Variants in SYT14 observed in about 807,000 individuals in gnomAD.
SYT14 encodes synaptotagmin-14.
In SYT14, 32 loss-of-function variants were observed where a neutral mutation model predicts 74.2. The observed-to-expected ratio is 0.43, with a 90% confidence interval of 0.33 to 0.58. The LOEUF (loss-of-function observed/expected upper bound fraction) is 0.58, where lower values mean the gene tolerates loss of function less well. Ranked by LOEUF, SYT14 falls within the 20% of genes least tolerant of loss-of-function variation. The pLI is 0.05. For synonymous variants in SYT14, 298 were observed against 337.7 expected (o/e 0.88, Z 1.29); for missense variants, 791 against 981.8 (o/e 0.81, Z 2.60).
At chr1:209,949,379 C>A (rs1177547563) in intron 1 of SYT14, among the ~76,000 whole-genome samples, 2 of 152,026 alleles carry the variant, frequency 1.3e-5, no homozygotes, top group East Asian at 3.9e-4. Flanking sequence ...TCGAGACCAT[C>A]CTGGGCAACA....
chr1:210,104,503 A>G (rs1162925281), intron 7 of SYT14, among the ~76,000 whole-genome samples: 2 of 152,156 alleles, frequency 1.3e-5, no homozygotes, highest in African/African-American at 4.8e-5. Flanking sequence ...CCTTCCTACC[A>G]TGGCATATAT....
intron 7 of SYT14, among the ~76,000 whole-genome samples, chr1:210,139,806 C>T (rs1045652860): frequency 6.6e-6 from 1 of 152,096 alleles, no homozygotes; most frequent in African/African-American, 2.4e-5. Context: ...TATCATGTAT[C>T]CATACTTCAT....
rs71146208 is a variant in SYT14 at position 210,156,683 on chromosome 1, C to CTTTTTTTTT, written c.2224+793_2224+801dup. On this transcript the variant is annotated intron_variant, in intron 8 of 9. Coordinates refer to ENST00000637265, the Ensembl canonical transcript of SYT14. ...AGGTAAACTGGGAAAGTGGCAGCTT[C>CTTTTTTTTT]TTTTTTTTTTTTTTTTTTTTTTTTT... 5.5e-4 allele frequency among the ~76,000 whole-genome samples: 31 copies of CTTTTTTTTT among 55,996 alleles called. 2 individuals are homozygous for CTTTTTTTTT. The highest frequency in any genetic ancestry group is 8.5e-4 in the Non-Finnish European group (26 of 30,444). The allele number at this position is 55,996 out of a possible 152,430, so 36.7% of individuals were successfully genotyped here.
At chr1:210,014,239 G>A (rs1015251591) in intron 3 of SYT14, among the ~76,000 whole-genome samples, 5 of 151,558 alleles carry the variant, frequency 3.3e-5, no homozygotes, top group African/African-American at 1.2e-4. Flanking sequence ...TAATTTTATT[G>A]TTTGGAGGAG....
At chr1:210,156,784 C>T in intron 8 of SYT14, 1 of 207,620 alleles carries the variant, frequency 4.8e-6, no homozygotes, top group Admixed American at 3.8e-5. Flanking sequence ...ACCTCCGCCT[C>T]CAGGTTCAAG....
intron 2 of SYT14, among the ~76,000 whole-genome samples, chr1:209,990,665 A>G (rs1207520680): frequency 6.8e-6 from 1 of 147,852 alleles, no homozygotes; most frequent in Non-Finnish European, 1.5e-5. Context: ...GCAGTATGCC[A>G]TTTACCCTGA....
At chr1:209,960,406 A>G (rs1251046551) in intron 2 of SYT14, among the ~76,000 whole-genome samples, 1 of 152,200 alleles carries the variant, frequency 6.6e-6, no homozygotes. Context: ...CATTGAAAAT[A>G]AAAATGACTT....
chr1:210,103,102 T>G (rs1224365938), intron 7 of SYT14, among the ~76,000 whole-genome samples: 1 of 152,076 alleles, frequency 6.6e-6, no homozygotes, highest in East Asian at 1.9e-4. Flanking sequence ...AAACTTACAG[T>G]TTTTTTCATA....
At chr1:210,073,166 C>A (rs925882054) in intron 5 of SYT14, among the ~76,000 whole-genome samples, 2 of 151,670 alleles carry the variant, frequency 1.3e-5, no homozygotes, top group African/African-American at 2.4e-5. Context: ...TTTTTAGTTA[C>A]AAAATAATAA....
At chr1:209,984,258 T>TG in intron 2 of SYT14, among the ~76,000 whole-genome samples, 1 of 152,252 alleles carries the variant, frequency 6.6e-6, no homozygotes, top group East Asian at 1.9e-4. Context: ...ATTGCCAAGG[T>TG]GGGGGCTGAA....
intron 5 of SYT14, among the ~76,000 whole-genome samples, chr1:210,063,437 T>A (rs1290213767): frequency 6.6e-6 from 1 of 151,886 alleles, no homozygotes; most frequent in Non-Finnish European, 1.5e-5. Context: ...TGACAGTGTC[T>A]AATGCTGTAA....
exon 10 of SYT14, chr1:210,166,534 TC>T (rs202145321): frequency 0.012 from 1,586 of 136,106 alleles, 35 homozygotes; most frequent in African/African-American, 0.038. Flanking sequence ...CCACTGCACT[TC>T]AGCCTGGGTG....
intron 2 of SYT14, among the ~76,000 whole-genome samples, chr1:209,983,894 T>G (rs1216600799): frequency 6.6e-6 from 1 of 152,218 alleles, no homozygotes; most frequent in Non-Finnish European, 1.5e-5. Context: ...GCTGCAGTCA[T>G]CTATTTAGTG....
chr1:209,963,178 C>T (rs183257591), intron 2 of SYT14, among the ~76,000 whole-genome samples: 8 of 152,190 alleles, frequency 5.3e-5, no homozygotes, highest in Non-Finnish European at 1.0e-4. Context: ...TCTGAATAGA[C>T]ATTATAGTTC....
intron 2 of SYT14, among the ~76,000 whole-genome samples, chr1:209,954,160 A>T (rs1207827035): frequency 4.6e-5 from 7 of 152,238 alleles, no homozygotes; most frequent in Non-Finnish European, 1.5e-5. Flanking sequence ...GTGAAAAGAG[A>T]ATCAAAACAA....
intron 2 of SYT14, among the ~76,000 whole-genome samples, chr1:209,977,523 G>A (rs1005116729): frequency 5.3e-5 from 8 of 152,166 alleles, no homozygotes; most frequent in African/African-American, 1.4e-4. Flanking sequence ...TAAGAATGTT[G>A]AATATTGGTC....
chr1:210,119,805 T>A (rs1450823911), intron 7 of SYT14, among the ~76,000 whole-genome samples: 1 of 152,126 alleles, frequency 6.6e-6, no homozygotes, highest in Non-Finnish European at 1.5e-5. Context: ...AAAGGCTAAT[T>A]CTCCATAGTA....
chr1:210,057,452 A>G (rs2081121547), intron 5 of SYT14, among the ~76,000 whole-genome samples: 1 of 151,974 alleles, frequency 6.6e-6, no homozygotes, highest in Non-Finnish European at 1.5e-5. Context: ...TAATCTTTCT[A>G]TTTTCAGAAT....
intron 7 of SYT14, among the ~76,000 whole-genome samples, chr1:210,126,447 TC>T (rs1338172342): frequency 1.2e-4 from 18 of 152,228 alleles, no homozygotes; most frequent in African/African-American, 4.3e-4. Flanking sequence ...CACAGTCTGT[TC>T]TTTCAGCTAT....
Sources: gnomAD v4.1 joint callset for allele counts (sites outside exome capture counted in the v4.1 genomes callset) on GRCh38, gnomAD v4.1.1 for gene constraint, MANE v1.5 for transcripts, NCBI Gene and HGNC (gene_info 2026-07-23, HGNC 2026-07-21) for gene names.